FSTL5: variants seen among roughly 807,000 people sequenced by gnomAD.
The protein encoded by FSTL5 is follistatin like 5.
In FSTL5, 62 loss-of-function variants were observed where a neutral mutation model predicts 89.1. The ratio of observed to expected loss-of-function variants is 0.70; its 90% confidence interval spans 0.57 to 0.86. FSTL5 has a LOEUF of 0.86. Among genes scored for constraint, FSTL5 ranks in the 40% least tolerant of loss-of-function variants. FSTL5 has a pLI of 0.00. For missense variants in FSTL5, 1,057 were observed against 1,001.6 expected (o/e 1.06, Z -0.75); for synonymous variants, 383 against 346.2 (o/e 1.11, Z -1.18).
intron 3 of FSTL5, chr4:162,022,743 A>G (rs993305319): frequency 1.7e-4 from 26 of 152,172 alleles, no homozygotes; most frequent in Non-Finnish European, 3.1e-4. Flanking sequence ...AGGATTCTAA[A>G]CCCCTGGAAA....
chr4:161,876,481 G>A (rs1579161549), intron 4 of FSTL5, among the ~76,000 whole-genome samples: 2 of 152,046 alleles, frequency 1.3e-5, no homozygotes, highest in African/African-American at 2.4e-5. Flanking sequence ...TTAAAATAAC[G>A]CCTCACAAAA....
At chr4:161,555,034 C>T (rs1246731599) in intron 8 of FSTL5, among the ~76,000 whole-genome samples, 1 of 151,646 alleles carries the variant, frequency 6.6e-6, no homozygotes, top group Non-Finnish European at 1.5e-5. Flanking sequence ...TATTACAAAA[C>T]TCTCTGATCA....
chr4:161,634,951 C>T (rs753986360), intron 7 of FSTL5, among the ~76,000 whole-genome samples: 6 of 152,034 alleles, frequency 3.9e-5, no homozygotes, highest in South Asian at 2.1e-4. Context: ...GTAATCCTTT[C>T]GCAATGTATA....
At position 161,523,748 on chromosome 4, in the gene FSTL5, C is replaced by G. The variant is rs926840834; in HGVS notation, c.1313-13324G>C. On this transcript the variant is annotated intron_variant, in intron 10 of 15. Coordinates refer to ENST00000306100, the MANE Select transcript of FSTL5 (RefSeq NM_020116.5). ...ACTACAAGACAATTTGTCTTATAAA[C>G]TTTGCTGGGAATTGGAATTTGAATT... Among the ~76,000 whole-genome samples the G allele has an allele frequency of 2.6e-5, 4 of 152,234 alleles. No homozygotes were observed. In the South Asian group the frequency reaches 8.3e-4, roughly 32 times the overall value.
intron 7 of FSTL5, among the ~76,000 whole-genome samples, chr4:161,607,093 G>C (rs1734473234): frequency 6.6e-6 from 1 of 152,100 alleles, no homozygotes; most frequent in South Asian, 2.1e-4. Context: ...CTGACAGTTG[G>C]TTTCACAAAC....
chr4:161,763,090 ATTCTCTT>A (rs2126792633), intron 5 of FSTL5, among the ~76,000 whole-genome samples: 1 of 152,254 alleles, frequency 6.6e-6, no homozygotes, highest in African/African-American at 2.4e-5. Context: ...AAAATGAACT[ATTCTCTT>A]TACTGTTTTT....
rs72989112 is a variant in FSTL5 at position 161,419,531 on chromosome 4, C to G, written c.1842-33082G>C. ...AGGAATGTCTGTCCTGAGGTCTTGT[C>G]CTTAGATTTCGACTTCCACATTACC... is the stretch of plus-strand genomic sequence containing the variant. On this transcript the variant is annotated intron_variant, in intron 15 of 15. Transcript: ENST00000306100. 2.1e-3 allele frequency among the ~76,000 whole-genome samples: 322 copies of G among 152,252 alleles called. 1 individual carries two copies. The highest frequency in any genetic ancestry group is 7.4e-3 in the African/African-American group (309 of 41,550).
At chr4:161,931,944 G>C (rs1486075149) in intron 3 of FSTL5, among the ~76,000 whole-genome samples, 1 of 151,966 alleles carries the variant, frequency 6.6e-6, no homozygotes, top group East Asian at 1.9e-4. Flanking sequence ...AATTGTACCA[G>C]TGTGCCAAGT....
At position 162,012,330 on chromosome 4, in the gene FSTL5, G is replaced by T. The variant is rs542359161; in HGVS notation, c.160+21295C>A. Among the ~76,000 whole-genome samples the T allele has an allele frequency of 1.2e-4, 19 of 152,156 alleles. No homozygotes were observed. In the East Asian group the frequency reaches 2.5e-3, roughly 20 times the overall value. ...ATACTTTTTCAGCTGTAAAAATACT[G>T]AATTTTAATAATCATTATTCCAACT... On this transcript the variant is annotated intron_variant, in intron 3 of 15. Transcript: ENST00000306100.
intron 6 of FSTL5, among the ~76,000 whole-genome samples, chr4:161,750,743 C>A (rs758756436): frequency 2.0e-5 from 3 of 152,042 alleles, no homozygotes; most frequent in Non-Finnish European, 4.4e-5. Context: ...TATGTGGAAT[C>A]TAAAAAGGTC....
At chr4:162,112,341 T>A (rs1183708058) in intron 1 of FSTL5, among the ~76,000 whole-genome samples, 1 of 152,154 alleles carries the variant, frequency 6.6e-6, no homozygotes, top group Non-Finnish European at 1.5e-5. Context: ...AATGGCACCA[T>A]AAATGACCCT....
At chr4:161,598,544 C>G (rs894732832) in intron 7 of FSTL5, among the ~76,000 whole-genome samples, 16 of 152,028 alleles carry the variant, frequency 1.1e-4, no homozygotes, top group African/African-American at 3.6e-4. Flanking sequence ...GACTCATCTA[C>G]AAGATTAAAA....
At chr4:162,103,353 C>A (rs984577007) in intron 2 of FSTL5, among the ~76,000 whole-genome samples, 2 of 152,162 alleles carry the variant, frequency 1.3e-5, no homozygotes, top group Non-Finnish European at 2.9e-5. Context: ...TAAACAAATA[C>A]CTGGTTTTCA....
chr4:161,833,131 G>A (rs368800696), intron 4 of FSTL5, among the ~76,000 whole-genome samples: 35 of 150,880 alleles, frequency 2.3e-4, no homozygotes, highest in African/African-American at 6.5e-4. Flanking sequence ...CCTTCATTTC[G>A]TTATGTACCC....
At chr4:162,121,752 G>T (rs972093536) in intron 1 of FSTL5, among the ~76,000 whole-genome samples, 2 of 151,960 alleles carry the variant, frequency 1.3e-5, no homozygotes, top group African/African-American at 2.4e-5. Context: ...AACAAGACTG[G>T]TGTGAATTGC....
chr4:161,396,205 G>A (rs1419557478), intron 15 of FSTL5, among the ~76,000 whole-genome samples: 2 of 151,928 alleles, frequency 1.3e-5, no homozygotes, highest in Admixed American at 6.6e-5. Flanking sequence ...AAAAGTGACC[G>A]AAGTTACATG....
intron 2 of FSTL5, among the ~76,000 whole-genome samples, chr4:162,042,742 T>C (rs1276727822): frequency 6.6e-6 from 1 of 151,804 alleles, no homozygotes; most frequent in Non-Finnish European, 1.5e-5. Context: ...ATTTGAAAAA[T>C]ACTATGGAAA....
At chr4:161,485,859 C>T (rs1444855107) in intron 12 of FSTL5, among the ~76,000 whole-genome samples, 1 of 151,948 alleles carries the variant, frequency 6.6e-6, no homozygotes, top group Admixed American at 6.6e-5. Flanking sequence ...CTAATGAGGC[C>T]GGGCGCAGCA....
intron 6 of FSTL5, among the ~76,000 whole-genome samples, chr4:161,741,502 C>A (rs1740026549): frequency 6.6e-6 from 1 of 151,928 alleles, no homozygotes. Context: ...GACCTAAAGG[C>A]CTCTAAGTTA....
Sources: gnomAD v4.1 joint callset for allele counts (sites outside exome capture counted in the v4.1 genomes callset) on GRCh38, gnomAD v4.1.1 for gene constraint, MANE v1.5 for transcripts, NCBI Gene and HGNC (gene_info 2026-07-23, HGNC 2026-07-21) for gene names.